The following CCSER1 variants were observed in gnomAD, a reference collection of about 807,000 sequenced individuals.
CCSER1 encodes coiled-coil serine rich protein 1, also known as serine-rich coiled-coil domain-containing protein 1.
In CCSER1, 41 loss-of-function variants were observed where a neutral mutation model predicts 82.0. That is an observed-to-expected ratio of 0.50 (90% CI 0.39 to 0.65). CCSER1 has a LOEUF of 0.65. CCSER1 is among the 30% of genes least tolerant of loss of function. The pLI is 0.00. For missense variants in CCSER1, 1,119 were observed against 1,064.2 expected (o/e 1.05, Z -0.72); for synonymous variants, 414 against 383.9 (o/e 1.08, Z -0.92).
intron 10 of CCSER1, among the ~76,000 whole-genome samples, chr4:91,440,714 G>T (rs1755063057): frequency 6.6e-6 from 1 of 152,118 alleles, no homozygotes; most frequent in South Asian, 2.1e-4. Flanking sequence ...AACATTGATA[G>T]ACCACTAGCA....
intron 7 of CCSER1, among the ~76,000 whole-genome samples, chr4:90,759,117 T>G (rs1186011863): frequency 6.6e-6 from 1 of 152,158 alleles, no homozygotes; most frequent in Non-Finnish European, 1.5e-5. Flanking sequence ...TAAATTCTCT[T>G]AGCCGTATTT....
chr4:90,644,135 T>C (rs1727062259), intron 6 of CCSER1, among the ~76,000 whole-genome samples: 1 of 152,174 alleles, frequency 6.6e-6, no homozygotes, highest in African/African-American at 2.4e-5. Context: ...AGGTTTAATA[T>C]CCCTTATCCA....
intron 10 of CCSER1, among the ~76,000 whole-genome samples, chr4:91,266,316 G>C (rs1189977269): frequency 6.6e-6 from 1 of 151,750 alleles, no homozygotes; most frequent in African/African-American, 2.4e-5. Context: ...GCAGTGGCAT[G>C]ATCTCGGCTC....
intron 10 of CCSER1, among the ~76,000 whole-genome samples, chr4:91,325,912 G>T (rs1439395883): frequency 6.6e-6 from 1 of 151,856 alleles, no homozygotes; most frequent in Non-Finnish European, 1.5e-5. Flanking sequence ...TCATTGATTA[G>T]AACTTTATGA....
intron 3 of CCSER1, among the ~76,000 whole-genome samples, chr4:90,368,064 C>A (rs1013034864): frequency 1.3e-5 from 2 of 151,806 alleles, no homozygotes; most frequent in Non-Finnish European, 2.9e-5. Context: ...AACTCAAATG[C>A]CCCTCAGAAA....
intron 9 of CCSER1, among the ~76,000 whole-genome samples, chr4:91,021,527 A>G (rs1300712323): frequency 2.0e-5 from 3 of 152,212 alleles, no homozygotes; most frequent in African/African-American, 7.2e-5. Context: ...ATATTTTTAT[A>G]AAACAAGATG....
intron 10 of CCSER1, among the ~76,000 whole-genome samples, chr4:91,161,602 T>C (rs1302000390): frequency 6.6e-6 from 1 of 152,198 alleles, no homozygotes; most frequent in Non-Finnish European, 1.5e-5. Flanking sequence ...GTAGTTCTCT[T>C]TGAAGAGGTC....
At chr4:91,206,367 G>C (rs918511734) in intron 10 of CCSER1, among the ~76,000 whole-genome samples, 6 of 151,844 alleles carry the variant, frequency 4.0e-5, no homozygotes, top group Non-Finnish European at 5.9e-5. Context: ...AATGCAATTA[G>C]CCTCCTCTGC....
chr4:90,157,564 T>G (rs889227168), intron 1 of CCSER1, among the ~76,000 whole-genome samples: 1 of 152,190 alleles, frequency 6.6e-6, no homozygotes, highest in African/African-American at 2.4e-5. Flanking sequence ...TTGGAGGCTT[T>G]GTTCGTTTCT....
chr4:91,282,721 C>G (rs1743007304), intron 10 of CCSER1, among the ~76,000 whole-genome samples: 1 of 152,024 alleles, frequency 6.6e-6, no homozygotes, highest in African/African-American at 2.4e-5. Context: ...AGGTCCAAGG[C>G]CTTAATATTA....
intron 10 of CCSER1, among the ~76,000 whole-genome samples, chr4:91,369,562 TGA>T (rs1297506265): frequency 6.6e-6 from 1 of 152,124 alleles, no homozygotes; most frequent in Non-Finnish European, 1.5e-5. Context: ...ATAAATGTTT[TGA>T]GAGTTAATGA....
chr4:90,468,994 A>G (rs1449727363), intron 5 of CCSER1, among the ~76,000 whole-genome samples: 1 of 152,148 alleles, frequency 6.6e-6, no homozygotes, highest in Non-Finnish European at 1.5e-5. Context: ...TTCTGCTTAT[A>G]TATTAAATAC....
chr4:90,548,142 A>T (rs1233532542), intron 5 of CCSER1, among the ~76,000 whole-genome samples: 1 of 152,126 alleles, frequency 6.6e-6, no homozygotes, highest in Non-Finnish European at 1.5e-5. Flanking sequence ...CAGAAAAAAA[A>T]AATTATAATG....
intron 1 of CCSER1, among the ~76,000 whole-genome samples, chr4:90,239,769 C>T (rs1274959239): frequency 2.6e-5 from 4 of 152,126 alleles, no homozygotes; most frequent in African/African-American, 4.8e-5. Context: ...GATCCTGCAC[C>T]TGCCCCAATT....
chr4:91,449,202 A>G (rs547174909), intron 10 of CCSER1, among the ~76,000 whole-genome samples: 11 of 152,146 alleles, frequency 7.2e-5, no homozygotes, highest in Admixed American at 4.6e-4. Context: ...TGCTCTCACC[A>G]CAGAATGAGT....
chr4:90,235,899 C>G (rs1578672117), intron 1 of CCSER1, among the ~76,000 whole-genome samples: 1 of 152,158 alleles, frequency 6.6e-6, no homozygotes, highest in South Asian at 2.1e-4. Context: ...AATAAGAAAA[C>G]AGCATTCAAA....
intron 1 of CCSER1, among the ~76,000 whole-genome samples, chr4:90,222,249 A>C (rs1742287449): frequency 6.6e-6 from 1 of 152,170 alleles, no homozygotes; most frequent in South Asian, 2.1e-4. Flanking sequence ...TTAGCATTTT[A>C]AAAAAGAGAC....
At chr4:91,453,603 A>G (rs2149422254) in intron 10 of CCSER1, among the ~76,000 whole-genome samples, 1 of 152,118 alleles carries the variant, frequency 6.6e-6, no homozygotes, top group African/African-American at 2.4e-5. Context: ...ATGTGTACTG[A>G]GTTTTCTATC....
chr4:90,331,185 A>AT (rs746144681), intron 3 of CCSER1, among the ~76,000 whole-genome samples: 13 of 151,948 alleles, frequency 8.6e-5, no homozygotes, highest in African/African-American at 1.7e-4. Flanking sequence ...CACTAAAAAT[A>AT]TTTTTTTCTT....
Sources: allele counts gnomAD v4.1 joint callset (sites outside exome capture counted in the v4.1 genomes callset), GRCh38; gene constraint gnomAD v4.1.1; transcripts MANE v1.5; gene names NCBI Gene and HGNC (gene_info 2026-07-23, HGNC 2026-07-21).